VAV3: variants seen among roughly 807,000 people sequenced by gnomAD.
VAV3 encodes the protein vav guanine nucleotide exchange factor 3.
VAV3 carries 94 observed loss-of-function variants against 131.2 expected under a neutral mutation model. That is an observed-to-expected ratio of 0.72 (90% CI 0.61 to 0.85). The LOEUF (loss-of-function observed/expected upper bound fraction) is 0.85. Ranked by LOEUF, VAV3 falls within the 40% of genes least tolerant of loss-of-function variation. The pLI, the probability that VAV3 is intolerant of heterozygous loss-of-function variation, is 0.00. For missense variants in VAV3, 939 were observed against 1,002.7 expected (o/e 0.94, Z 0.86); for synonymous variants, 349 against 342.0 (o/e 1.02, Z -0.22).
Position 107,654,442 on chromosome 1 carries a change from T to C in VAV3, c.1778-11687A>G, listed in dbSNP as rs565106287. Among the ~76,000 whole-genome samples the C allele has an allele frequency of 2.6e-5, 4 of 152,192 alleles. No homozygotes were observed. The South Asian group carries it at 8.3e-4, about 32-fold the overall frequency. ...TTGGGAATACTAAAAATTTAAGGCA[T>C]TATCCTATAAGCTTTTGTCATCTAC... is the stretch of plus-strand genomic sequence containing the variant. On this transcript the variant is annotated intron_variant, in intron 19 of 26. Coordinates refer to ENST00000370056, the MANE Select transcript of VAV3 (RefSeq NM_006113.5).
intron 2 of VAV3, chr1:107,820,977 T>C (rs1289408887): frequency 6.6e-6 from 1 of 152,196 alleles, no homozygotes; most frequent in East Asian, 1.9e-4. Flanking sequence ...GCTGACAGTA[T>C]AAATCCACTG....
chr1:107,610,290 C>T (rs1020041649), intron 21 of VAV3, among the ~76,000 whole-genome samples: 8 of 151,968 alleles, frequency 5.3e-5, no homozygotes, highest in South Asian at 2.1e-4. Context: ...AAAGTGAAAA[C>T]GTTATTAAGA....
chr1:107,604,592 C>T (rs1003886820), intron 22 of VAV3, among the ~76,000 whole-genome samples: 9 of 152,114 alleles, frequency 5.9e-5, no homozygotes, highest in Admixed American at 5.9e-4. Flanking sequence ...ACACTCATAC[C>T]CTATCAACAC....
rs769733030 is a variant in VAV3, at chr1:107,574,050, G to A, written c.2499C>T (p.Gly833=). The part of the protein sequence containing the change: ...ANGWWRGEVN[G]RVGWFPSTYV... The stretch of plus-strand genomic sequence containing the variant: ...CACATCGAGAGGGCCAACTTACCCT[G>A]CCATTTACTTCTCCTCTCCACCAGC... Residue 833 remains glycine (G), a synonymous_variant, in exon 26 of 27, where the codon GGC becomes GGT. Transcript: ENST00000370056. The A allele has an allele frequency of 6.2e-7, 1 of 1,613,838 alleles. No individual in the cohort carries two copies. The highest frequency in any genetic ancestry group is 2.2e-5 in the East Asian group (1 of 44,874).
intron 2 of VAV3, among the ~76,000 whole-genome samples, chr1:107,822,959 CA>C (rs1244135993): frequency 6.6e-6 from 1 of 152,004 alleles, no homozygotes; most frequent in Non-Finnish European, 1.5e-5. Flanking sequence ...AGCAAATAAA[CA>C]GGCCATAAAA....
chr1:107,852,816 C>T (rs1669287932), intron 2 of VAV3, among the ~76,000 whole-genome samples: 1 of 152,124 alleles, frequency 6.6e-6, no homozygotes, highest in Non-Finnish European at 1.5e-5. Context: ...TAGACCATGA[C>T]AAATCCTAAC....
intron 1 of VAV3, among the ~76,000 whole-genome samples, chr1:107,931,569 A>G (rs1015740679): frequency 2.6e-4 from 39 of 152,234 alleles, no homozygotes; most frequent in African/African-American, 9.2e-4. Context: ...ATAGTTTTAG[A>G]CTATTCAAAT....
At chr1:107,748,803 A>G (rs1268356017) in intron 15 of VAV3, among the ~76,000 whole-genome samples, 165 bp downstream of exon 15, 1 of 152,196 alleles carries the variant, frequency 6.6e-6, no homozygotes, top group Non-Finnish European at 1.5e-5. Flanking sequence ...CAAAGTTATC[A>G]AGCAGCCAGC....
intron 1 of VAV3, among the ~76,000 whole-genome samples, chr1:107,961,804 T>A (rs1675104506): frequency 2.0e-5 from 3 of 152,236 alleles, no homozygotes; most frequent in Admixed American, 2.0e-4. Context: ...TTTTGAAAGA[T>A]AATCAACTAA....
rs532485147 is a variant in VAV3, at chr1:107,930,375, T to C, written c.204+34291A>G. Among the ~76,000 whole-genome samples the C allele has an allele frequency of 7.9e-5, 12 of 152,054 alleles. No homozygotes were observed. The East Asian group carries it at 1.7e-3, about 22-fold the overall frequency. ...TATGAGTACCTTGATAAAAAACACA[T>C]TGAATATATATAAAGACCCACTAGC... On this transcript the variant is annotated intron_variant, in intron 1 of 26. Coordinates refer to ENST00000370056, the MANE Select transcript of VAV3 (RefSeq NM_006113.5).
chr1:107,936,705 A>G (rs2101237705), intron 1 of VAV3, among the ~76,000 whole-genome samples: 1 of 152,316 alleles, frequency 6.6e-6, no homozygotes, highest in South Asian at 2.1e-4. Flanking sequence ...TTGGAGAAGA[A>G]TGCATGACAA....
At chr1:107,914,672 T>G (rs1021381238) in intron 1 of VAV3, among the ~76,000 whole-genome samples, 3 of 152,232 alleles carry the variant, frequency 2.0e-5, no homozygotes, top group Non-Finnish European at 4.4e-5. Flanking sequence ...GGTTTTCAGT[T>G]ATAATTAGGA....
intron 15 of VAV3, among the ~76,000 whole-genome samples, chr1:107,725,136 G>C (rs573277750): frequency 9.6e-4 from 146 of 152,244 alleles, no homozygotes; most frequent in African/African-American, 3.3e-3. Context: ...CCATGGAGAG[G>C]GGCATGTCGG....
At chr1:107,928,096 AG>A (rs1166386964) in intron 1 of VAV3, among the ~76,000 whole-genome samples, 1 of 152,216 alleles carries the variant, frequency 6.6e-6, no homozygotes, top group Non-Finnish European at 1.5e-5. Context: ...GGATAAAGTA[AG>A]GGAAGAGAAC....
intron 17 of VAV3, among the ~76,000 whole-genome samples, chr1:107,693,836 C>T (rs1282395101): frequency 1.3e-5 from 2 of 152,122 alleles, no homozygotes; most frequent in South Asian, 4.1e-4. Flanking sequence ...ACCAAATAGT[C>T]CATGTGTTTC....
intron 1 of VAV3, among the ~76,000 whole-genome samples, chr1:107,881,168 G>A (rs1321789210): frequency 6.6e-6 from 1 of 152,094 alleles, no homozygotes; most frequent in Non-Finnish European, 1.5e-5. Flanking sequence ...TGTGGCATAG[G>A]AAGACAAGAC....
intron 1 of VAV3, among the ~76,000 whole-genome samples, chr1:107,884,765 A>C (rs550808599): frequency 2.2e-4 from 34 of 152,156 alleles, no homozygotes; most frequent in Non-Finnish European, 3.1e-4. Flanking sequence ...AAAATTAAAC[A>C]ATTTTTTAAA....
chr1:107,574,578 C>T (rs1472949213), intron 25 of VAV3, among the ~76,000 whole-genome samples: 1 of 152,030 alleles, frequency 6.6e-6, no homozygotes, highest in African/African-American at 2.4e-5. Flanking sequence ...TATTGATGGC[C>T]CAGTAATCTA....
At chr1:107,844,767 G>A (rs1571032186) in intron 2 of VAV3, among the ~76,000 whole-genome samples, 1 of 152,182 alleles carries the variant, frequency 6.6e-6, no homozygotes, top group East Asian at 1.9e-4. Flanking sequence ...CCTCCTGTCT[G>A]TGGAGGGCAT....
Sources: allele counts gnomAD v4.1 joint callset (sites outside exome capture counted in the v4.1 genomes callset), GRCh38; gene constraint gnomAD v4.1.1; transcripts MANE v1.5; gene names NCBI Gene and HGNC (gene_info 2026-07-23, HGNC 2026-07-21).